Variants in DARS1 observed in about 807,000 individuals in gnomAD.
DARS1 encodes aspartyl-tRNA synthetase 1, also known as aspartate--tRNA ligase, cytoplasmic.
A neutral mutation model predicts 68.8 loss-of-function variants in DARS1; 51 were observed. The observed-to-expected ratio is 0.74, with a 90% confidence interval of 0.59 to 0.94. The LOEUF is 0.94. Ranked by LOEUF, DARS1 falls within the 40% of genes least tolerant of loss-of-function variation. The pLI, the probability that DARS1 is intolerant of heterozygous loss-of-function variation, is 0.00. For missense variants in DARS1, 607 were observed against 597.3 expected, an observed-to-expected ratio of 1.02 and a Z score of -0.17; for synonymous variants, 203 against 190.4, an observed-to-expected ratio of 1.07 and a Z score of -0.55.
intron 5 of DARS1, among the ~76,000 whole-genome samples, chr2:135,938,423 G>A (rs988524093): frequency 2.0e-5 from 3 of 152,050 alleles, no homozygotes; most frequent in Non-Finnish European, 2.9e-5. Flanking sequence ...GCTTCTTTGC[G>A]ATGTATTCAA....
chr2:135,969,709 C>T (rs923369117), intron 3 of DARS1, among the ~76,000 whole-genome samples: 1 of 151,762 alleles, frequency 6.6e-6, no homozygotes. Flanking sequence ...TATTGTCACT[C>T]ACTGCAATTA....
At chr2:135,951,908 C>G (rs925158248) in intron 4 of DARS1, among the ~76,000 whole-genome samples, 8 of 152,106 alleles carry the variant, frequency 5.3e-5, no homozygotes, top group African/African-American at 1.9e-4. Context: ...TTATGTATTT[C>G]TTAACCATTC....
intron 4 of DARS1, among the ~76,000 whole-genome samples, chr2:135,949,496 G>T (rs1210762813): frequency 6.6e-6 from 1 of 152,110 alleles, no homozygotes; most frequent in Non-Finnish European, 1.5e-5. Flanking sequence ...AGATAAGATG[G>T]GGATCCAGAA....
intron 4 of DARS1, among the ~76,000 whole-genome samples, chr2:135,952,374 T>TTTAA (rs1225537774): frequency 2.6e-5 from 4 of 152,364 alleles, no homozygotes; most frequent in Admixed American, 1.3e-4. Context: ...TCAGAGCATT[T>TTTAA]GGCATATCTA....
At chr2:135,921,683 G>C (rs773688240) in intron 9 of DARS1, among the ~76,000 whole-genome samples, 1 of 152,182 alleles carries the variant, frequency 6.6e-6, no homozygotes, top group Non-Finnish European at 1.5e-5. Flanking sequence ...CTCAAAGCAT[G>C]ATCTGGAAAT....
chr2:135,917,917 T>A (rs560897548), intron 10 of DARS1, among the ~76,000 whole-genome samples: 4 of 152,184 alleles, frequency 2.6e-5, no homozygotes, highest in East Asian at 3.9e-4. Context: ...TTGATTTTTT[T>A]AAATTTGTTT....
chr2:135,929,469 T>A (rs922552331), intron 7 of DARS1, among the ~76,000 whole-genome samples: 1 of 152,204 alleles, frequency 6.6e-6, no homozygotes, highest in South Asian at 2.1e-4. Flanking sequence ...ATAATATCCA[T>A]GAAAACATGG....
At chr2:135,975,924 G>A (rs1682488044) in intron 3 of DARS1, among the ~76,000 whole-genome samples, 1 of 152,080 alleles carries the variant, frequency 6.6e-6, no homozygotes, top group Non-Finnish European at 1.5e-5. Context: ...ACTCCAGCCT[G>A]AGTGACAGGG....
At chr2:135,975,928 G>A (rs959308835) in intron 3 of DARS1, among the ~76,000 whole-genome samples, 9 of 152,044 alleles carry the variant, frequency 5.9e-5, no homozygotes, top group Non-Finnish European at 1.2e-4. Context: ...CAGCCTGAGT[G>A]ACAGGGCAAG....
intron 4 of DARS1, among the ~76,000 whole-genome samples, chr2:135,952,857 T>C (rs988908326): frequency 6.6e-6 from 1 of 152,210 alleles, no homozygotes; most frequent in African/African-American, 2.4e-5. Flanking sequence ...GTATCTCTCT[T>C]TGACATAATC....
chr2:135,930,448 T>A (rs1402253551), intron 7 of DARS1, among the ~76,000 whole-genome samples: 1 of 152,136 alleles, frequency 6.6e-6, no homozygotes, highest in Non-Finnish European at 1.5e-5. Context: ...AGCTGATGAT[T>A]CACCTTTAAA....
rs2164332 is a variant in DARS1, at chr2:135,914,231, G to C, written c.1149+238C>G. Reference sequence around the variant, plus strand: ...AGGTATCACTTTTAGAGACACCTCAGAACAACTTCGTAAAAATATTAAATA... The same window carrying C: ...AGGTATCACTTTTAGAGACACCTCACAACAACTTCGTAAAAATATTAAATA... On this transcript the variant is annotated intron_variant, in intron 12 of 15. Transcript: ENST00000264161. Among the ~76,000 whole-genome samples, 28,785 of 152,078 alleles carry C rather than the reference G, an allele frequency of 0.19. 3,327 individuals carry two copies. The highest frequency in any genetic ancestry group is 0.35 in the South Asian group (1,703 of 4,816).
At chr2:135,969,613 T>C (rs552473366) in intron 3 of DARS1, among the ~76,000 whole-genome samples, 9 of 150,388 alleles carry the variant, frequency 6.0e-5, no homozygotes, top group Admixed American at 4.0e-4. Flanking sequence ...ACAAGCACTA[T>C]ACTAAAAAAA....
Position 135,914,487 on chromosome 2 carries a change from A to C in DARS1, c.1131T>G (p.Gly377=). The change falls in exon 12 of 16, where the codon GGT becomes GGG. Residue 377 remains glycine, a synonymous_variant. Coordinates refer to ENST00000264161, the MANE Select transcript of DARS1 (RefSeq NM_001349.4). ...DLSTPNEKLL[G]HLVKEKYDTD... Reference sequence around the variant, plus strand: ...GTCCTACCTTTTCCTTTACCAAATGACCCAACAGCTTTTCATTTGGTGTGC... The same window carrying C: ...GTCCTACCTTTTCCTTTACCAAATGCCCCAACAGCTTTTCATTTGGTGTGC... 2.7e-6 allele frequency: 4 copies of C among 1,454,874 alleles called. No individual in the cohort carries two copies. The highest frequency in any genetic ancestry group is 3.9e-6 in the Non-Finnish European group (4 of 1,034,812). 90.1% of individuals were successfully genotyped at this position (1,454,874 alleles called of 1,614,324 possible).
At chr2:135,941,009 G>A (rs1681583365) in intron 5 of DARS1, among the ~76,000 whole-genome samples, 1 of 152,144 alleles carries the variant, frequency 6.6e-6, no homozygotes, top group Admixed American at 6.5e-5. Flanking sequence ...CAAAATAAAA[G>A]AGGACACAAA....
chr2:135,970,030 T>C (rs1682330003), intron 3 of DARS1, among the ~76,000 whole-genome samples: 1 of 152,148 alleles, frequency 6.6e-6, no homozygotes, highest in Non-Finnish European at 1.5e-5. Context: ...CACAGTCTTC[T>C]TGTGCTTCCG....
chr2:135,979,885 T>G (rs912690390), intron 2 of DARS1, among the ~76,000 whole-genome samples: 2 of 152,350 alleles, frequency 1.3e-5, no homozygotes, highest in South Asian at 4.1e-4. Flanking sequence ...CTAACTGAGC[T>G]AATGCAAGTC....
intron 4 of DARS1, among the ~76,000 whole-genome samples, chr2:135,951,775 A>T (rs1681843883): frequency 6.6e-6 from 1 of 152,178 alleles, no homozygotes; most frequent in Non-Finnish European, 1.5e-5. Context: ...TTTCCCTCTG[A>T]TTTCAGACAC....
At chr2:135,917,090 G>T (rs1284821993) in intron 10 of DARS1, among the ~76,000 whole-genome samples, 1 of 152,072 alleles carries the variant, frequency 6.6e-6, no homozygotes, top group African/African-American at 2.4e-5. Context: ...GGGCCTGAGA[G>T]GTGAAGGCTG....
Sources: gnomAD v4.1 joint callset for allele counts (sites outside exome capture counted in the v4.1 genomes callset) on GRCh38, gnomAD v4.1.1 for gene constraint, MANE v1.5 for transcripts, NCBI Gene and HGNC (gene_info 2026-07-23, HGNC 2026-07-21) for gene names.